The following CCSER1 variants were observed in gnomAD, a reference collection of about 807,000 sequenced individuals.
CCSER1 encodes serine-rich coiled-coil domain-containing protein 1.
A neutral mutation model predicts 82.0 loss-of-function variants in CCSER1; 41 were observed. That is an observed-to-expected ratio of 0.50 (90% CI 0.39 to 0.65). The LOEUF is 0.65. Among genes scored for constraint, CCSER1 ranks in the 30% least tolerant of loss-of-function variants. CCSER1 has a pLI of 0.00. For missense variants in CCSER1, 1,119 were observed against 1,064.2 expected, an observed-to-expected ratio of 1.05 and a Z score of -0.72; for synonymous variants, 414 against 383.9, an observed-to-expected ratio of 1.08 and a Z score of -0.92.
intron 5 of CCSER1, among the ~76,000 whole-genome samples, chr4:90,484,235 G>A (rs559765465): frequency 1.3e-5 from 2 of 152,116 alleles, no homozygotes; most frequent in Non-Finnish European, 2.9e-5. Context: ...GGTCCTTTAA[G>A]GACTTCTCTG....
At chr4:91,354,768 AT>A (rs1232642853) in intron 10 of CCSER1, among the ~76,000 whole-genome samples, 1 of 152,186 alleles carries the variant, frequency 6.6e-6, no homozygotes, top group Non-Finnish European at 1.5e-5. Context: ...TTGATCTTCT[AT>A]TACAGTTTTT....
chr4:90,782,880 C>T (rs1753989743), intron 7 of CCSER1, among the ~76,000 whole-genome samples: 1 of 151,658 alleles, frequency 6.6e-6, no homozygotes, highest in Non-Finnish European at 1.5e-5. Flanking sequence ...TGGGGTTTCA[C>T]CGTGTTAGCC....
chr4:91,164,810 T>A (rs1314524967), intron 10 of CCSER1, among the ~76,000 whole-genome samples: 3 of 152,188 alleles, frequency 2.0e-5, no homozygotes, highest in African/African-American at 7.2e-5. Context: ...TCCACACTGT[T>A]CATTCTAGTT....
chr4:90,882,051 C>T (rs1377692125), intron 8 of CCSER1, among the ~76,000 whole-genome samples: 1 of 151,996 alleles, frequency 6.6e-6, no homozygotes, highest in African/African-American at 2.4e-5. Context: ...TTAGAAATTT[C>T]ATCAATTGTG....
chr4:91,185,295 G>T lies in CCSER1; in HGVS notation c.2217+99301G>T, dbSNP rs56736289. On this transcript the variant is annotated intron_variant, in intron 10 of 10. Coordinates refer to ENST00000509176, the MANE Select transcript of CCSER1 (RefSeq NM_001145065.2). ...CTGTGCCATGTGCTCTCCTGGCTCT[G>T]CTTTCCAGGGAACAGAAGTAGATAT... Among the ~76,000 whole-genome samples the T allele has an allele frequency of 8.8e-3, 1,338 of 152,318 alleles. 19 individuals are homozygous for T. The highest frequency in any genetic ancestry group is 0.03 in the African/African-American group (1,254 of 41,570).
chr4:91,191,180 T>C (rs1324156213), intron 10 of CCSER1, among the ~76,000 whole-genome samples: 1 of 152,202 alleles, frequency 6.6e-6, no homozygotes, highest in African/African-American at 2.4e-5. Context: ...TTGCTTTCCT[T>C]TCTTTTCAAA....
intron 5 of CCSER1, among the ~76,000 whole-genome samples, chr4:90,481,358 C>T (rs1409869953): frequency 2.6e-5 from 4 of 152,218 alleles, no homozygotes; most frequent in Non-Finnish European, 4.4e-5. Flanking sequence ...TGAATACCCT[C>T]TATTTCCTTC....
At chr4:90,139,135 C>A (rs1169070191) in intron 1 of CCSER1, among the ~76,000 whole-genome samples, 1 of 152,104 alleles carries the variant, frequency 6.6e-6, no homozygotes, top group Non-Finnish European at 1.5e-5. Flanking sequence ...CTCCAACCTG[C>A]CTCCTCACAT....
chr4:91,594,460 CACAT>C (rs965969991), intron 10 of CCSER1, among the ~76,000 whole-genome samples: 18 of 148,418 alleles, frequency 1.2e-4, no homozygotes, highest in South Asian at 4.2e-4. Context: ...TATATATACA[CACAT>C]ATATACATAT....
chr4:91,107,681 C>T (rs1387476029), intron 10 of CCSER1, among the ~76,000 whole-genome samples: 5 of 139,896 alleles, frequency 3.6e-5, no homozygotes, highest in Non-Finnish European at 6.1e-5. Flanking sequence ...AGAAAAAATT[C>T]GAATGATAAA....
At chr4:91,436,270 G>T (rs1188557974) in intron 10 of CCSER1, among the ~76,000 whole-genome samples, 1 of 151,962 alleles carries the variant, frequency 6.6e-6, no homozygotes, top group Non-Finnish European at 1.5e-5. Context: ...CTGTTTGGTA[G>T]GATTTTAAAT....
chr4:90,986,771 A>G (rs1736610113), intron 9 of CCSER1, among the ~76,000 whole-genome samples: 2 of 151,838 alleles, frequency 1.3e-5, no homozygotes, highest in Non-Finnish European at 2.9e-5. Context: ...GGGAAAAACC[A>G]TAAATCATTG....
intron 10 of CCSER1, among the ~76,000 whole-genome samples, chr4:91,479,254 G>C (rs1330090643): frequency 1.3e-5 from 2 of 150,696 alleles, no homozygotes; most frequent in Non-Finnish European, 3.0e-5. Flanking sequence ...CTGGTCTTAG[G>C]GAACTATTTA....
chr4:90,879,052 CCT>C (rs1720805395), intron 8 of CCSER1, among the ~76,000 whole-genome samples: 1 of 152,036 alleles, frequency 6.6e-6, no homozygotes. Flanking sequence ...GGTTTTGCTC[CCT>C]GTCTAGCAAT....
intron 10 of CCSER1, among the ~76,000 whole-genome samples, chr4:91,173,469 C>G (rs914941834): frequency 6.6e-6 from 1 of 151,998 alleles, no homozygotes; most frequent in Non-Finnish European, 1.5e-5. Flanking sequence ...TGGCATGCGC[C>G]TATAGCCCCA....
chr4:91,517,981 A>C (rs1199683181), intron 10 of CCSER1, among the ~76,000 whole-genome samples: 1 of 152,084 alleles, frequency 6.6e-6, no homozygotes, highest in Admixed American at 6.6e-5. Context: ...CATAATGATC[A>C]GTAGGTAGTC....
At chr4:90,555,482 T>A (rs1418522861) in intron 5 of CCSER1, among the ~76,000 whole-genome samples, 4 of 152,116 alleles carry the variant, frequency 2.6e-5, no homozygotes, top group African/African-American at 7.2e-5. Flanking sequence ...TGACCAGCAG[T>A]TTTTGCTATT....
intron 7 of CCSER1, among the ~76,000 whole-genome samples, chr4:90,791,059 A>T (rs939164391): frequency 3.9e-5 from 6 of 152,148 alleles, no homozygotes; most frequent in Admixed American, 2.0e-4. Flanking sequence ...GGCTTAGGGA[A>T]CTTACAGGCA....
At chr4:91,055,356 G>A (rs1396281436) in intron 9 of CCSER1, among the ~76,000 whole-genome samples, 1 of 152,086 alleles carries the variant, frequency 6.6e-6, no homozygotes, top group Non-Finnish European at 1.5e-5. Context: ...TGAACTAATT[G>A]TTGTTTATTT....
Sources: gnomAD v4.1 joint callset for allele counts (sites outside exome capture counted in the v4.1 genomes callset) on GRCh38, gnomAD v4.1.1 for gene constraint, MANE v1.5 for transcripts, NCBI Gene and HGNC (gene_info 2026-07-23, HGNC 2026-07-21) for gene names.